Variants in GRAMD1B observed in about 807,000 individuals in gnomAD.
GRAMD1B encodes GRAM domain containing 1B.
Under a neutral mutation model 99.7 loss-of-function variants are expected in GRAMD1B, and 37 were observed. The ratio of observed to expected loss-of-function variants is 0.37; its 90% CI spans 0.29 to 0.49. The LOEUF (loss-of-function observed/expected upper bound fraction) is 0.49. Ranked by LOEUF, GRAMD1B falls within the 20% of genes least tolerant of loss-of-function variation. The probability of loss-of-function intolerance (pLI) is 0.98; values close to 1 mark genes in which losing one functional copy is unlikely to be tolerated. For missense variants in GRAMD1B, 888 were observed against 1,009.2 expected, an observed-to-expected ratio of 0.88 and a Z score of 1.63; for synonymous variants, 427 against 387.6, an observed-to-expected ratio of 1.10 and a Z score of -1.19.
intron 1 of GRAMD1B, among the ~76,000 whole-genome samples, chr11:123,366,481 G>C (rs938791042): frequency 2.6e-5 from 4 of 152,212 alleles, no homozygotes; most frequent in Admixed American, 6.5e-5. Flanking sequence ...TGACTTTTCT[G>C]TCTGAAGCCT....
At chr11:123,396,156 G>A (rs946843446) in intron 1 of GRAMD1B, among the ~76,000 whole-genome samples, 1 of 151,002 alleles carries the variant, frequency 6.6e-6, no homozygotes, top group Non-Finnish European at 1.5e-5. Flanking sequence ...TCCTCTTGCT[G>A]CTTCCCCATA....
chr11:123,486,793 G>A (rs1260879688), intron 2 of GRAMD1B, among the ~76,000 whole-genome samples: 6 of 152,206 alleles, frequency 3.9e-5, no homozygotes, highest in Admixed American at 3.9e-4. Context: ...TTACAAGCTG[G>A]GTGTGGTGGC....
At chr11:123,496,405 T>A (rs1939266843) in intron 2 of GRAMD1B, among the ~76,000 whole-genome samples, 1 of 152,142 alleles carries the variant, frequency 6.6e-6, no homozygotes, top group African/African-American at 2.4e-5. Flanking sequence ...ATCCTTGGCC[T>A]TTGGGAATTT....
chr11:123,553,575 A>G lies in GRAMD1B; in HGVS notation c.453-23792A>G, dbSNP rs138113751. 1.9e-3 allele frequency among the ~76,000 whole-genome samples: 291 copies of G among 152,334 alleles called. 1 individual carries two copies. The highest frequency in any genetic ancestry group is 6.8e-3 in the African/African-American group (282 of 41,584). ...CAATCTCCTGGCCATTTCTTGCTTT[A>G]AGTTTTAATTACGTAGACATCACTC... On this transcript the variant is annotated intron_variant, in intron 2 of 19. Transcript: ENST00000635736.
At chr11:123,577,204 G>T (rs536819064) in intron 2 of GRAMD1B, among the ~76,000 whole-genome samples, 163 bp from the exon 3 acceptor site, 18 of 152,362 alleles carry the variant, frequency 1.2e-4, no homozygotes, top group African/African-American at 4.3e-4. Flanking sequence ...TTACGGTGCG[G>T]CAAGCCGCAG....
At chr11:123,547,059 G>A (rs1002165105) in intron 2 of GRAMD1B, among the ~76,000 whole-genome samples, 1 of 152,138 alleles carries the variant, frequency 6.6e-6, no homozygotes, top group Non-Finnish European at 1.5e-5. Flanking sequence ...GAATGGAAGA[G>A]ACCCCATGGT....
chr11:123,360,406 A>G (rs1019252132), intron 1 of GRAMD1B, among the ~76,000 whole-genome samples: 1 of 152,118 alleles, frequency 6.6e-6, no homozygotes, highest in Admixed American at 6.5e-5. Context: ...CCTTTGGCGT[A>G]TTTATTTGTA....
chr11:123,606,813 A>T lies in GRAMD1B; in HGVS notation c.1513+15A>T. Reference sequence around the variant, plus strand: ...ACACGATGAAGGTGGGCATTTGAAAATGGGTCTGGAGTGGCCCTTGCTCTG... The same window carrying T: ...ACACGATGAAGGTGGGCATTTGAAATTGGGTCTGGAGTGGCCCTTGCTCTG... On this transcript the variant is annotated intron_variant, in intron 11 of 19. Coordinates refer to ENST00000635736, the MANE Select transcript of GRAMD1B (RefSeq NM_001387025.1). 6.2e-7 allele frequency: 1 copy of T among 1,608,558 alleles called. No homozygotes were observed. The highest frequency in any genetic ancestry group is 8.5e-7 in the Non-Finnish European group (1 of 1,175,910).
At chr11:123,575,145 G>A (rs1037855400) in intron 2 of GRAMD1B, among the ~76,000 whole-genome samples, 19 of 152,132 alleles carry the variant, frequency 1.2e-4, no homozygotes, top group Admixed American at 4.6e-4. Context: ...TGTGAGATTC[G>A]TGTGGTTTTG....
intron 1 of GRAMD1B, among the ~76,000 whole-genome samples, chr11:123,464,548 T>C (rs1950577816): frequency 6.6e-6 from 1 of 151,976 alleles, no homozygotes; most frequent in Admixed American, 6.6e-5. Context: ...ACCGTTTCAA[T>C]AGAGTGGGAT....
chr11:123,562,516 A>T (rs1329498336), intron 2 of GRAMD1B, among the ~76,000 whole-genome samples: 1 of 152,218 alleles, frequency 6.6e-6, no homozygotes, highest in Non-Finnish European at 1.5e-5. Flanking sequence ...TGTTCCCAAT[A>T]AAACTTTATT....
chr11:123,609,656 C>G lies in GRAMD1B; in HGVS notation c.1658-139C>G, dbSNP rs1276847205. 2.0e-5 allele frequency: 12 copies of G among 598,692 alleles called. No homozygotes were observed. In the Admixed American group the frequency reaches 2.4e-4, roughly 12 times the overall value. The allele number at this position is 598,692 out of a possible 1,614,324, so 37.1% of individuals were successfully genotyped here. ...CCTCCTCTTCCCACCCTCCCCCCGG[C>G]CCTCGGGCTCCCATTGGCTTCCTTT... On this transcript the variant is annotated intron_variant, in intron 12 of 19. Transcript: ENST00000635736.
intron 2 of GRAMD1B, among the ~76,000 whole-genome samples, chr11:123,500,788 C>T (rs780255183): frequency 6.6e-6 from 1 of 152,082 alleles, no homozygotes; most frequent in Non-Finnish European, 1.5e-5. Context: ...ATTCTCCCGC[C>T]TCAGCCTCCC....
At chr11:123,569,665 C>T (rs556064103) in intron 2 of GRAMD1B, among the ~76,000 whole-genome samples, 11 of 152,222 alleles carry the variant, frequency 7.2e-5, no homozygotes, top group African/African-American at 1.4e-4. Context: ...TGGGAAAATT[C>T]GAAGGGGAGT....
At chr11:123,526,272 C>T (rs1751083740) in intron 2 of GRAMD1B, 3 of 1,003,220 alleles carry the variant, frequency 3.0e-6, no homozygotes, top group African/African-American at 3.2e-5. Flanking sequence ...TGCCATCTCA[C>T]CAGGCATCGA....
rs1360738197 is a variant in GRAMD1B, at chr11:123,625,366, T to TC, written c.*2772dup. On this transcript the variant is annotated 3_prime_UTR_variant, in exon 20 of 20. Transcript: ENST00000635736. ...TGGTAAAATGTTTGAGAGTTTGCAC[T>TC]CAATTTTAAAGAATTTGCAGTTTCT... The TC allele has an allele frequency of 6.6e-6, 1 of 152,228 alleles. No individual in the cohort carries two copies. Among genetic ancestry groups the TC allele is most frequent in the African/African-American group, 2.4e-5 (1 of 41,472 alleles). 9.4% of individuals were successfully genotyped at this position (152,228 alleles called of 1,614,324 possible).
At chr11:123,553,431 T>C (rs569662099) in intron 2 of GRAMD1B, among the ~76,000 whole-genome samples, 1 of 152,344 alleles carries the variant, frequency 6.6e-6, no homozygotes, top group South Asian at 2.1e-4. Context: ...TTCATATGTA[T>C]CCATGTGTAC....
At chr11:123,550,301 A>G (rs1380932419) in intron 2 of GRAMD1B, among the ~76,000 whole-genome samples, 1 of 151,944 alleles carries the variant, frequency 6.6e-6, no homozygotes, top group Non-Finnish European at 1.5e-5. Flanking sequence ...CCAGGAGGTA[A>G]CAGCAGCCCA....
At chr11:123,373,715 G>A (rs1037585201) in intron 1 of GRAMD1B, among the ~76,000 whole-genome samples, 3 of 152,196 alleles carry the variant, frequency 2.0e-5, no homozygotes, top group Admixed American at 6.5e-5. Flanking sequence ...TTAAATTGCT[G>A]TAAGAAAATT....
Sources: gnomAD v4.1 joint callset for allele counts (sites outside exome capture counted in the v4.1 genomes callset) on GRCh38, gnomAD v4.1.1 for gene constraint, MANE v1.5 for transcripts, NCBI Gene and HGNC (gene_info 2026-07-23, HGNC 2026-07-21) for gene names.